LAMA4: variants seen among roughly 807,000 people sequenced by gnomAD.
The protein encoded by LAMA4 is laminin subunit alpha-4.
A neutral mutation model predicts 207.1 loss-of-function variants in LAMA4; 127 were observed. That is an observed-to-expected ratio of 0.61 (90% confidence interval 0.53 to 0.71). The LOEUF (loss-of-function observed/expected upper bound fraction) is 0.71. LAMA4 is among the 30% of genes least tolerant of loss of function. The pLI, the probability that LAMA4 is intolerant of heterozygous loss-of-function variation, is 0.00. For synonymous variants in LAMA4, 761 were observed against 816.0 expected, an observed-to-expected ratio of 0.93 and a Z score of 1.15; for missense variants, 2,093 against 2,246.5, an observed-to-expected ratio of 0.93 and a Z score of 1.38.
Position 112,129,038 on chromosome 6 carries a change from A to G in LAMA4, c.4171T>C (p.Tyr1391His), listed in dbSNP as rs201094782. 3.5e-5 allele frequency: 56 copies of G among 1,612,882 alleles called. No homozygotes were observed. The East Asian group carries it at 1.1e-3, about 33-fold the overall frequency. ...RDVEVEDFQR[Y>H]TEKVHTSLYE... is the part of the protein sequence containing the mutation. Reference sequence around the variant, plus strand: ...AGAGAAGTGTGGACCTTTTCAGTATACCGTTGGAAATCTTCAACCTCCACA... The same window carrying G: ...AGAGAAGTGTGGACCTTTTCAGTATGCCGTTGGAAATCTTCAACCTCCACA... Residue 1391 changes from tyrosine (Y) to histidine (H), a missense_variant, in exon 31 of 39, where the codon TAT (tyrosine) becomes CAT (histidine). Coordinates refer to ENST00000230538, the MANE Select transcript of LAMA4 (RefSeq NM_001105206.3).
In LAMA4 at chr6:112,116,158, C is replaced by T. The variant is rs587732017; in HGVS notation, c.4982-165G>A. Among the ~76,000 whole-genome samples the T allele has an allele frequency of 2.4e-3, 371 of 152,254 alleles. 1 individual carries two copies. Among genetic ancestry groups the T allele is most frequent in the Non-Finnish European group, 1.4e-3 (93 of 68,028 alleles). On this transcript the variant is annotated intron_variant, in intron 35 of 38. Transcript: ENST00000230538. Reference sequence around the variant, plus strand: ...TCCATGTCAAACTCACTGTGGAAAGCTCTGTGGGGAACCAAGATAACTAAT... The same window carrying T: ...TCCATGTCAAACTCACTGTGGAAAGTTCTGTGGGGAACCAAGATAACTAAT...
chr6:112,128,868 T>C (rs1284162116), intron 31 of LAMA4, 54 bp downstream of exon 31: 1 of 1,492,266 alleles, frequency 6.7e-7, no homozygotes, highest in Non-Finnish European at 9.3e-7. Flanking sequence ...TGTCTAGAAC[T>C]GTGTGCATGG....
intron 12 of LAMA4, among the ~76,000 whole-genome samples, chr6:112,165,520 C>T (rs1440245229): frequency 2.0e-5 from 3 of 152,152 alleles, no homozygotes; most frequent in Non-Finnish European, 4.4e-5. Context: ...TATTATAACA[C>T]CGTCATTTCA....
In LAMA4 at chr6:112,180,612, T is replaced by G. The variant is rs556195100; in HGVS notation, c.1078-2380A>C. ...TGCTCATCTCAACAGAAAATTCTTC[T>G]TGTACATATTTGACATAAAAGTGGC... On this transcript the variant is annotated intron_variant, in intron 9 of 38. Coordinates refer to ENST00000230538, the MANE Select transcript of LAMA4 (RefSeq NM_001105206.3). Among the ~76,000 whole-genome samples, 4 of 152,360 alleles carry G rather than the reference T, an allele frequency of 2.6e-5. No individual in the cohort carries two copies. The South Asian group carries it at 6.2e-4, about 24-fold the overall frequency.
intron 3 of LAMA4, among the ~76,000 whole-genome samples, chr6:112,213,067 G>A (rs782568195): frequency 1.3e-5 from 2 of 152,200 alleles, no homozygotes; most frequent in Admixed American, 6.5e-5. Context: ...CCTAGGGTAG[G>A]CTGGAAGTTC....
At chr6:112,143,532 C>A (rs1554333825) in intron 19 of LAMA4, among the ~76,000 whole-genome samples, 3 of 152,202 alleles carry the variant, frequency 2.0e-5, no homozygotes, top group Non-Finnish European at 2.9e-5. Context: ...GATCTGCCCA[C>A]CTTGGCCTCC....
chr6:112,160,988 A>T (rs1276890111), intron 13 of LAMA4, among the ~76,000 whole-genome samples: 2 of 152,182 alleles, frequency 1.3e-5, no homozygotes, highest in Non-Finnish European at 2.9e-5. Context: ...ATCAATTCTC[A>T]TGACCCCCAA....
intron 12 of LAMA4, among the ~76,000 whole-genome samples, chr6:112,169,298 TGGAG>T (rs1781577499): frequency 6.6e-6 from 1 of 151,942 alleles, no homozygotes; most frequent in African/African-American, 2.4e-5. Flanking sequence ...CCTGGGGACT[TGGAG>T]GGGAGAGGAG....
Position 112,117,757 on chromosome 6 carries a change from C to A in LAMA4, c.4963G>T (p.Gly1655Ter). The part of the protein sequence containing the change: ...METGTYFSTE[G>*]GYVVLDESFN... ...ATGTTACCTAGAACCACGTATCCTC[C>A]TTCTGTTGAAAAGTAAGTTCCTGTT... Residue 1655 changes from glycine (G) to a stop codon, truncating the protein, a stop_gained, in exon 35 of 39, where the codon GGA becomes TGA. Coordinates refer to ENST00000230538, the MANE Select transcript of LAMA4 (RefSeq NM_001105206.3). LOFTEE classifies it high-confidence loss of function. This position sits in a 1 kb window ranked among gnomAD's most constrained non-coding sequence, Gnocchi z 4.5. 6.2e-7 allele frequency: 1 copy of A among 1,613,564 alleles called. No individual in the cohort carries two copies. Among genetic ancestry groups the A allele is most frequent in the Non-Finnish European group, 8.5e-7 (1 of 1,179,610 alleles).
In LAMA4 at chr6:112,220,266, C is replaced by A. The variant is rs538414889; in HGVS notation, c.196-3797G>T. The stretch of plus-strand genomic sequence containing the variant: ...TATTATTAAGAGACTCCTATTATCA[C>A]AGCTTGCCTCCTGCTCTACCATTAA... On this transcript the variant is annotated intron_variant, in intron 2 of 38. Coordinates refer to ENST00000230538, the MANE Select transcript of LAMA4 (RefSeq NM_001105206.3). Among the ~76,000 whole-genome samples, 5 of 152,302 alleles carry A rather than the reference C, an allele frequency of 3.3e-5. No homozygotes were observed. The East Asian group carries it at 9.6e-4, about 29-fold the overall frequency.
chr6:112,172,513 A>C, intron 12 of LAMA4, 98 bp downstream of exon 12: 12 of 1,070,204 alleles, frequency 1.1e-5, no homozygotes, highest in African/African-American at 1.6e-5. Context: ...GTATTTAACT[A>C]TACCAATATT....
At chr6:112,213,949 TGGTCATG>T (rs1554357689) in intron 3 of LAMA4, 1 of 655,812 alleles carries the variant, frequency 1.5e-6, no homozygotes, top group Non-Finnish European at 2.8e-6. Flanking sequence ...ACTGAAACAC[TGGTCATG>T]ACAGTGAGCT....
intron 5 of LAMA4, among the ~76,000 whole-genome samples, chr6:112,192,844 G>A (rs1273356424): frequency 1.3e-5 from 2 of 152,262 alleles, no homozygotes; most frequent in African/African-American, 2.4e-5. Flanking sequence ...TAAGGGAAGA[G>A]CTGTTACTAG....
At chr6:112,190,947 C>CTTTCCTTTCTTT (rs1491586717) in intron 6 of LAMA4, among the ~76,000 whole-genome samples, 42 of 40,448 alleles carry the variant, frequency 1.0e-3, no homozygotes, top group African/African-American at 1.7e-3. Flanking sequence ...TTCTTTCTTT[C>CTTTCCTTTCTTT]CTTTCTTTCT....
In LAMA4 at chr6:112,246,494, G is replaced by A. The variant is rs570286691; in HGVS notation, c.195+7462C>T. On this transcript the variant is annotated intron_variant, in intron 2 of 38. Transcript: ENST00000230538. Reference sequence around the variant, plus strand: ...GTATTTAATTATGAGAGGAAAAAAGGTATTATCCTTGTCATATCAAAGCTG... The same window carrying A: ...GTATTTAATTATGAGAGGAAAAAAGATATTATCCTTGTCATATCAAAGCTG... Among the ~76,000 whole-genome samples the A allele has an allele frequency of 1.1e-4, 17 of 149,456 alleles. No homozygotes were observed. The South Asian group carries it at 2.7e-3, about 24-fold the overall frequency.
intron 5 of LAMA4, among the ~76,000 whole-genome samples, chr6:112,195,162 G>A (rs1783337054): frequency 6.6e-6 from 1 of 152,092 alleles, no homozygotes; most frequent in African/African-American, 2.4e-5. Context: ...CCAAACTCCT[G>A]GGCTAGGTGG....
intron 17 of LAMA4, 39 bp from the exon 18 acceptor site, chr6:112,148,375 G>A (rs1554335060): frequency 6.2e-7 from 1 of 1,608,152 alleles, no homozygotes; most frequent in Non-Finnish European, 8.5e-7. Flanking sequence ...TTGCAGAGAA[G>A]CCGGATATTT....
chr6:112,203,804 C>T (rs782565162), intron 4 of LAMA4, among the ~76,000 whole-genome samples: 67 of 152,134 alleles, frequency 4.4e-4, no homozygotes, highest in Non-Finnish European at 7.8e-4. Flanking sequence ...TTTTCGTTTT[C>T]AGTAGGTTTT....
At chr6:112,145,757 C>T (rs1412950847) in intron 18 of LAMA4, among the ~76,000 whole-genome samples, 1 of 152,124 alleles carries the variant, frequency 6.6e-6, no homozygotes, top group Middle Eastern at 3.2e-3. Context: ...ATTTTTGTGA[C>T]ATTTATAGTA....
Sources: allele counts gnomAD v4.1 joint callset (sites outside exome capture counted in the v4.1 genomes callset), GRCh38; gene constraint gnomAD v4.1.1; non-coding constraint Gnocchi (gnomAD v3.1); transcripts MANE v1.5; gene names NCBI Gene and HGNC (gene_info 2026-07-23, HGNC 2026-07-21).